The following FOCAD variants were observed in gnomAD, a reference collection of about 807,000 sequenced individuals.
FOCAD encodes KIAA1797.
FOCAD carries 198 observed loss-of-function variants against 225.6 expected under a neutral mutation model. The observed-to-expected ratio is 0.88, with a 90% CI of 0.78 to 0.99. FOCAD has a LOEUF of 0.99. Among genes scored for constraint, FOCAD ranks in the 50% least tolerant of loss-of-function variants. FOCAD has a pLI of 0.00. For synonymous variants in FOCAD, 897 were observed against 755.0 expected, an observed-to-expected ratio of 1.19 and a Z score of -3.08; for missense variants, 2,713 against 2,123.6, an observed-to-expected ratio of 1.28 and a Z score of -5.46.
chr9:20,872,744 A>G (rs2131777611), intron 18 of FOCAD: 1 of 152,226 alleles, frequency 6.6e-6, no homozygotes, highest in South Asian at 2.1e-4. Context: ...GCAACTAATC[A>G]CAGAGCAACC....
At chr9:20,951,392 C>T (rs1317982652) in intron 34 of FOCAD, among the ~76,000 whole-genome samples, 1 of 152,120 alleles carries the variant, frequency 6.6e-6, no homozygotes, top group Non-Finnish European at 1.5e-5. Flanking sequence ...ATTCAGTGTC[C>T]TGTATTTCAC....
At chr9:20,955,367 T>G (rs1371641353) in intron 35 of FOCAD, among the ~76,000 whole-genome samples, 1 of 152,136 alleles carries the variant, frequency 6.6e-6, no homozygotes, top group Non-Finnish European at 1.5e-5. Context: ...GCTTTCTCAC[T>G]TAGGATACTG....
chr9:20,880,940 C>A (rs566344988), intron 19 of FOCAD, among the ~76,000 whole-genome samples: 1 of 152,050 alleles, frequency 6.6e-6, no homozygotes, highest in South Asian at 2.1e-4. Flanking sequence ...TGAATATGAA[C>A]CTATAGTCTT....
At chr9:20,669,152 G>A (rs1001960077) in intron 2 of FOCAD, among the ~76,000 whole-genome samples, 6 of 152,174 alleles carry the variant, frequency 3.9e-5, no homozygotes, top group African/African-American at 1.4e-4. Context: ...TTTGGAGTAA[G>A]GCAAGTGAGG....
intron 35 of FOCAD, among the ~76,000 whole-genome samples, chr9:20,970,847 A>T (rs1564222008): frequency 6.6e-6 from 1 of 152,202 alleles, no homozygotes; most frequent in African/African-American, 2.4e-5. Context: ...GTAACATAAA[A>T]TTTAACTTTT....
At chr9:20,853,886 T>G (rs993855638) in intron 15 of FOCAD, among the ~76,000 whole-genome samples, 2 of 151,734 alleles carry the variant, frequency 1.3e-5, no homozygotes, top group East Asian at 3.9e-4. Context: ...GAATGTTATT[T>G]TTCTCATTGT....
At chr9:20,889,558 G>A (rs1831428566) in intron 21 of FOCAD, among the ~76,000 whole-genome samples, 1 of 152,092 alleles carries the variant, frequency 6.6e-6, no homozygotes, top group Admixed American at 6.6e-5. Context: ...ATATATGTTT[G>A]GGTCTATTTC....
intron 24 of FOCAD, among the ~76,000 whole-genome samples, chr9:20,920,128 C>A (rs181560069): frequency 6.6e-6 from 1 of 152,062 alleles, no homozygotes; most frequent in African/African-American, 2.4e-5. Context: ...AAAAAACAGA[C>A]AACCCCATCA....
At chr9:20,723,575 G>C (rs1200428950) in intron 4 of FOCAD, among the ~76,000 whole-genome samples, 1 of 152,170 alleles carries the variant, frequency 6.6e-6, no homozygotes, top group Non-Finnish European at 1.5e-5. Flanking sequence ...TCCTATCCCA[G>C]TATCTGTGTT....
rs949741190 is a variant in FOCAD, at chr9:20,906,758, G to A, written c.2626-392G>A. 3.3e-5 allele frequency among the ~76,000 whole-genome samples: 5 copies of A among 152,052 alleles called. No individual in the cohort carries two copies. In the East Asian group the frequency reaches 5.8e-4, roughly 18 times the overall value. On this transcript the variant is annotated intron_variant, in intron 21 of 43. Transcript: ENST00000338382. The stretch of plus-strand genomic sequence containing the variant: ...TGGTCATATTGGAAATCCAGGATAT[G>A]AGCAATATTTATTTTTATTTAAAAT...
chr9:20,746,928 C>T (rs111640508), intron 5 of FOCAD, among the ~76,000 whole-genome samples: 163 of 152,262 alleles, frequency 1.1e-3, no homozygotes, highest in African/African-American at 3.8e-3. Flanking sequence ...ATATAAATGA[C>T]GCTGTGTCCT....
At chr9:20,666,860 G>A (rs912794484) in intron 2 of FOCAD, among the ~76,000 whole-genome samples, 11 of 152,062 alleles carry the variant, frequency 7.2e-5, no homozygotes, top group African/African-American at 2.7e-4. Flanking sequence ...TACAATATTA[G>A]ACAATATGAA....
At chr9:20,762,112 AGTAGAAGAAAACC>A (rs1829659184) in intron 6 of FOCAD, among the ~76,000 whole-genome samples, 1 of 152,204 alleles carries the variant, frequency 6.6e-6, no homozygotes, top group African/African-American at 2.4e-5. Flanking sequence ...AGCATCTCAA[AGTAGAAGAAAACC>A]GATAAGCCAT....
At chr9:20,674,625 G>C (rs1275879221) in intron 2 of FOCAD, among the ~76,000 whole-genome samples, 1 of 152,220 alleles carries the variant, frequency 6.6e-6, no homozygotes, top group Non-Finnish European at 1.5e-5. Flanking sequence ...CTCTCATGAA[G>C]TTGCATCAAA....
At chr9:20,851,009 G>C (rs77203044) in intron 15 of FOCAD, among the ~76,000 whole-genome samples, 4 of 151,130 alleles carry the variant, frequency 2.6e-5, no homozygotes, top group African/African-American at 9.7e-5. Context: ...CATAGCAGTT[G>C]CTCAGTTCAC....
intron 15 of FOCAD, among the ~76,000 whole-genome samples, chr9:20,853,194 T>G (rs1019369655): frequency 6.6e-6 from 1 of 151,818 alleles, no homozygotes; most frequent in South Asian, 2.1e-4. Context: ...TCATTCTTTC[T>G]GTTCCTGCAG....
At chr9:20,887,935 A>G (rs1053776228) in intron 21 of FOCAD, among the ~76,000 whole-genome samples, 1 of 152,166 alleles carries the variant, frequency 6.6e-6, no homozygotes, top group African/African-American at 2.4e-5. Flanking sequence ...TGTTTCCTTA[A>G]TAACTAATGA....
chr9:20,964,639 G>A (rs756618332), intron 35 of FOCAD, among the ~76,000 whole-genome samples: 8 of 151,896 alleles, frequency 5.3e-5, no homozygotes, highest in Non-Finnish European at 1.0e-4. Context: ...GGGTTCAAGC[G>A]ATTCTCCTGC....
chr9:20,734,252 G>T (rs564065770), intron 4 of FOCAD, among the ~76,000 whole-genome samples: 2 of 152,222 alleles, frequency 1.3e-5, no homozygotes, highest in East Asian at 1.9e-4. Context: ...GAGTCTTAAA[G>T]GTTCCTTCAA....
Sources: allele counts gnomAD v4.1 joint callset (sites outside exome capture counted in the v4.1 genomes callset), GRCh38; gene constraint gnomAD v4.1.1; transcripts MANE v1.5; gene names NCBI Gene and HGNC (gene_info 2026-07-23, HGNC 2026-07-21).